The following CDH13 variants were observed in gnomAD, a reference collection of about 807,000 sequenced individuals.
CDH13 encodes cadherin-13.
In CDH13, 24 loss-of-function variants were observed where a neutral mutation model predicts 63.8. The ratio of observed to expected loss-of-function variants is 0.38; its 90% CI spans 0.27 to 0.53. CDH13 has a LOEUF of 0.53. CDH13 is among the 20% of genes least tolerant of loss of function. The pLI is 0.85. For synonymous variants in CDH13, 503 were observed against 355.3 expected, an observed-to-expected ratio of 1.42 and a Z score of -4.67; for missense variants, 1,049 against 903.1, an observed-to-expected ratio of 1.16 and a Z score of -2.07.
chr16:83,388,368 G>C (rs539711662), intron 6 of CDH13, among the ~76,000 whole-genome samples: 1 of 151,866 alleles, frequency 6.6e-6, no homozygotes, highest in African/African-American at 2.4e-5. Context: ...TGGGAGGATC[G>C]CTTGGGCCCA....
chr16:83,102,406 C>G (rs1045337252), intron 3 of CDH13, among the ~76,000 whole-genome samples: 3 of 152,224 alleles, frequency 2.0e-5, no homozygotes, highest in Non-Finnish European at 4.4e-5. Context: ...TCTGCAGGCT[C>G]TGAAGTGGGG....
At chr16:83,183,011 A>G (rs552751245) in intron 4 of CDH13, among the ~76,000 whole-genome samples, 19 of 152,310 alleles carry the variant, frequency 1.2e-4, no homozygotes, top group East Asian at 9.7e-4. Flanking sequence ...AAAATTAAAA[A>G]AAAACTGTGA....
At chr16:83,289,409 A>C (rs1430713650) in intron 5 of CDH13, among the ~76,000 whole-genome samples, 3 of 152,258 alleles carry the variant, frequency 2.0e-5, no homozygotes, top group African/African-American at 7.2e-5. Flanking sequence ...TGCTTTATAA[A>C]AATGCAGATG....
At chr16:83,020,339 G>A (rs1915230278) in intron 2 of CDH13, among the ~76,000 whole-genome samples, 1 of 152,044 alleles carries the variant, frequency 6.6e-6, no homozygotes. Flanking sequence ...TCTCATTCTG[G>A]CCTCTTTAAT....
intron 6 of CDH13, among the ~76,000 whole-genome samples, chr16:83,422,436 C>A (rs1033032114): frequency 6.6e-6 from 1 of 152,146 alleles, no homozygotes; most frequent in African/African-American, 2.4e-5. Context: ...AGAATGCTGG[C>A]TGCAGAGGTC....
intron 2 of CDH13, among the ~76,000 whole-genome samples, chr16:82,899,491 T>C (rs2041385483): frequency 6.6e-6 from 1 of 152,208 alleles, no homozygotes; most frequent in African/African-American, 2.4e-5. Flanking sequence ...TCAGATTTGT[T>C]TGATGATAAC....
intron 2 of CDH13, among the ~76,000 whole-genome samples, chr16:82,916,588 TAAATA>T (rs2041999454): frequency 6.6e-6 from 1 of 151,274 alleles, no homozygotes; most frequent in Non-Finnish European, 1.5e-5. Context: ...AAAAAATAAA[TAAATA>T]AAGTAAAAAT....
intron 4 of CDH13, among the ~76,000 whole-genome samples, chr16:83,174,343 C>G (rs1390718725): frequency 6.6e-6 from 1 of 152,136 alleles, no homozygotes; most frequent in Non-Finnish European, 1.5e-5. Flanking sequence ...TTACTTGGCA[C>G]TATCTTTTTT....
intron 6 of CDH13, among the ~76,000 whole-genome samples, chr16:83,364,938 G>C (rs1176175031): frequency 6.6e-6 from 1 of 152,108 alleles, no homozygotes; most frequent in Non-Finnish European, 1.5e-5. Flanking sequence ...AGGAGGGAGA[G>C]AATTAGGACA....
chr16:82,790,519 G>A (rs1351650965), intron 1 of CDH13, among the ~76,000 whole-genome samples: 1 of 152,132 alleles, frequency 6.6e-6, no homozygotes, highest in East Asian at 1.9e-4. Flanking sequence ...CATATTAATA[G>A]ACATACAAAA....
At chr16:82,852,420 ACT>A (rs2039529427) in intron 1 of CDH13, among the ~76,000 whole-genome samples, 1 of 152,030 alleles carries the variant, frequency 6.6e-6, no homozygotes, top group South Asian at 2.1e-4. Flanking sequence ...CTATTGGATG[ACT>A]CTGCCACCTT....
At chr16:83,346,538 C>A (rs768691827) in intron 6 of CDH13, among the ~76,000 whole-genome samples, 9 of 152,130 alleles carry the variant, frequency 5.9e-5, no homozygotes, top group Non-Finnish European at 1.3e-4. Flanking sequence ...GGAAAGTGTT[C>A]TAAATGTAAA....
At chr16:83,635,054 G>T (rs1911131157) in intron 8 of CDH13, among the ~76,000 whole-genome samples, 1 of 152,132 alleles carries the variant, frequency 6.6e-6, no homozygotes, top group Non-Finnish European at 1.5e-5. Context: ...GAGAAATCCA[G>T]TTCTTCCACA....
chr16:82,929,080 A>G (rs2042394345), intron 2 of CDH13, among the ~76,000 whole-genome samples: 1 of 152,208 alleles, frequency 6.6e-6, no homozygotes, highest in Non-Finnish European at 1.5e-5. Context: ...TATTTTTTAA[A>G]TGATTAGATC....
intron 5 of CDH13, among the ~76,000 whole-genome samples, chr16:83,276,696 C>G (rs1287307985): frequency 6.6e-6 from 1 of 152,026 alleles, no homozygotes; most frequent in Non-Finnish European, 1.5e-5. Flanking sequence ...CGGTGAAACC[C>G]TGTCTCTACT....
At chr16:83,595,789 A>G (rs2150742360) in intron 7 of CDH13, among the ~76,000 whole-genome samples, 1 of 152,024 alleles carries the variant, frequency 6.6e-6, no homozygotes, top group South Asian at 2.1e-4. Context: ...CTGGAACCCA[A>G]GGAAATAGGA....
chr16:83,266,199 A>C (rs1037945208), intron 5 of CDH13, among the ~76,000 whole-genome samples: 1 of 152,020 alleles, frequency 6.6e-6, no homozygotes, highest in Non-Finnish European at 1.5e-5. Context: ...CAGCCTCCCA[A>C]AGTTCTGGGA....
chr16:83,252,107 T>TACACACACACACAC (rs149781230), intron 5 of CDH13, among the ~76,000 whole-genome samples: 4,247 of 135,890 alleles, frequency 0.031, 139 homozygotes, highest in East Asian at 0.18. Context: ...ATATATATTA[T>TACACACACACACAC]ACACACACAC....
At chr16:82,705,028 GA>G (rs1400116369) in intron 1 of CDH13, 1 of 410,604 alleles carries the variant, frequency 2.4e-6, no homozygotes. Flanking sequence ...CACTGGACGG[GA>G]AAATAAACGG....
Sources: gnomAD v4.1 joint callset for allele counts (sites outside exome capture counted in the v4.1 genomes callset) on GRCh38, gnomAD v4.1.1 for gene constraint, MANE v1.5 for transcripts, NCBI Gene and HGNC (gene_info 2026-07-23, HGNC 2026-07-21) for gene names.